Variants in BRD4 observed in about 807,000 individuals in gnomAD.
BRD4 encodes bromodomain-containing protein 4.
A neutral mutation model predicts 142.1 loss-of-function variants in BRD4; 16 were observed. That is an observed-to-expected ratio of 0.11 (90% CI 0.08 to 0.17). The LOEUF (loss-of-function observed/expected upper bound fraction) is 0.17, where lower values mean the gene tolerates loss of function less well. Ranked by LOEUF, BRD4 falls within the 10% of genes least tolerant of loss-of-function variation. BRD4 has a pLI of 1.00. For synonymous variants in BRD4, 833 were observed against 707.5 expected (o/e 1.18, Z -2.82); for missense variants, 1,424 against 1,810.9 (o/e 0.79, Z 3.88).
intron 14 of BRD4, among the ~76,000 whole-genome samples, chr19:15,242,612 C>T (rs1452908123): frequency 1.3e-5 from 2 of 152,142 alleles, no homozygotes; most frequent in Admixed American, 1.3e-4. Flanking sequence ...CCCTGGGCTC[C>T]TAGCTTCCCC....
chr19:15,238,919 G>A lies in BRD4; in HGVS notation c.3844C>T (p.Arg1282Cys), dbSNP rs750347317. 23 of 1,596,038 alleles carry A rather than the reference G, an allele frequency of 1.4e-5. No individual in the cohort carries two copies. Among genetic ancestry groups the A allele is most frequent in the Middle Eastern group, 1.7e-4 (1 of 5,918 alleles). ...CGCTGCTGCTGCTGCTGCTCCTGGC[G>A]CCGACGTGCCTCCTCATGGGCCCGC... ...ARRAHEEARR[R>C]QEQQQQQRQE... Residue 1282 changes from arginine to cysteine, a missense_variant, in exon 19 of 20, where the codon CGC becomes TGC. Arg to Cys is a radical substitution (Grantham distance 180). Coordinates refer to ENST00000679869, the MANE Select transcript of BRD4 (RefSeq NM_001379291.1). This position sits in a 1 kb window ranked among gnomAD's most constrained non-coding sequence, Gnocchi z 7.2.
At chr19:15,247,600 C>T (rs1456413730) in intron 11 of BRD4, 2 of 232,884 alleles carry the variant, frequency 8.6e-6, no homozygotes, top group African/African-American at 4.4e-5. Context: ...GCATGCAGGC[C>T]CGACACTGGT....
chr19:15,278,084 AG>A (rs1252307389), intron 1 of BRD4, among the ~76,000 whole-genome samples: 1 of 113,358 alleles, frequency 8.8e-6, no homozygotes, highest in African/African-American at 3.4e-5. Flanking sequence ...CCAGCCTGGG[AG>A]ACAGAGCAAG....
rs756325514 is a variant in BRD4 at position 15,278,852 on chromosome 19, CTTTT to C, written c.-34-5723_-34-5720del. 2.6e-5 allele frequency among the ~76,000 whole-genome samples: 4 copies of C among 151,608 alleles called. No homozygotes were observed. The East Asian group carries it at 7.8e-4, about 30-fold the overall frequency. On this transcript the variant is annotated intron_variant, in intron 1 of 19. Coordinates refer to ENST00000679869, the MANE Select transcript of BRD4 (RefSeq NM_001379291.1). ...TGATTAAGCATGCCTGTTTTCTTTT[CTTTT>C]TTGAGACGGAGTTTTGCTCTTGTTG... is the stretch of plus-strand genomic sequence containing the variant.
intron 5 of BRD4, 96 bp downstream of exon 5, chr19:15,265,258 G>A (rs1310622589): frequency 8.1e-7 from 1 of 1,229,422 alleles, no homozygotes; most frequent in Non-Finnish European, 1.1e-6. Context: ...ACCCACCAGT[G>A]CCCGGGACCC....
intron 11 of BRD4, chr19:15,247,090 A>G (rs966914803): frequency 1.5e-5 from 3 of 206,532 alleles, no homozygotes; most frequent in African/African-American, 4.6e-5. Context: ...ACAATCTTCA[A>G]CTCAACACAA....
intron 1 of BRD4, among the ~76,000 whole-genome samples, chr19:15,325,803 A>C (rs1482934204): frequency 6.6e-6 from 1 of 151,984 alleles, no homozygotes; most frequent in East Asian, 1.9e-4. Flanking sequence ...GTTCCAGACC[A>C]GCCTGACCAA....
chr19:15,332,501 AGCCGCCGCCGCCGCCGCC>A lies in BRD4; in HGVS notation c.-264_-247del, dbSNP rs778524619. On this transcript the variant is annotated 5_prime_UTR_variant, in exon 1 of 20. Coordinates refer to ENST00000679869, the MANE Select transcript of BRD4 (RefSeq NM_001379291.1). ...TGCGGGAGACCAGAACAAACAGCCC[AGCCGCCGCCGCCGCCGCC>A]GCCGCCGCCGCCAGCGCACTGACGT... 4.9e-3 allele frequency: 777 copies of A among 157,024 alleles called. 8 individuals carry two copies. Among genetic ancestry groups the A allele is most frequent in the African/African-American group, 0.018 (712 of 38,818 alleles). The allele number at this position is 157,024 out of a possible 1,614,324, so 9.7% of individuals were successfully genotyped here. A position where few individuals can be genotyped will look rare whatever the true frequency, so the allele number is the denominator to read the frequency against.
chr19:15,254,673 G>T (rs1316456339), intron 10 of BRD4, among the ~76,000 whole-genome samples: 1 of 151,904 alleles, frequency 6.6e-6, no homozygotes, highest in African/African-American at 2.4e-5. Flanking sequence ...AGAGACCCCC[G>T]GGGGTCTCTC....
In BRD4 at chr19:15,255,419, G is replaced by C; in HGVS notation, c.1925C>G (p.Pro642Arg). ...RVVHIIQSRE[P>R]SLKNSNPDEI... ...GTCGGGGTTGGAATTCTTCAGGGAG[G>C]GCTCCCGTGACTGGATGATGTGCAC... Residue 642 changes from proline to arginine, a missense_variant, in exon 10 of 20, where the codon CCC becomes CGC. Around this residue, in one of 16 missense-constraint regions of BRD4, gnomAD observed 46 missense variants for 110.4 expected, o/e 0.42. Transcript: ENST00000679869. 6.2e-7 allele frequency: 1 copy of C among 1,614,090 alleles called. No individual in the cohort carries two copies. The highest frequency in any genetic ancestry group is 8.5e-7 in the Non-Finnish European group (1 of 1,180,022).
chr19:15,331,779 G>C (rs373032657), intron 1 of BRD4: 3 of 150,522 alleles, frequency 2.0e-5, no homozygotes, highest in Non-Finnish European at 4.4e-5. Context: ...AGCCCGCCTA[G>C]AGGACCGCGG....
chr19:15,262,658 G>A (rs2047485942), intron 7 of BRD4, among the ~76,000 whole-genome samples: 2 of 151,966 alleles, frequency 1.3e-5, no homozygotes, highest in South Asian at 2.1e-4. Flanking sequence ...GGAAGGCAGA[G>A]GCTGCCGTGA....
intron 11 of BRD4, among the ~76,000 whole-genome samples, chr19:15,250,230 T>C (rs979248684): frequency 6.6e-6 from 1 of 152,312 alleles, no homozygotes; most frequent in Non-Finnish European, 1.5e-5. Flanking sequence ...ATGCTGGCTG[T>C]TTGTGGGGGG....
intron 1 of BRD4, among the ~76,000 whole-genome samples, chr19:15,321,202 C>A (rs534461371): frequency 6.7e-6 from 1 of 149,510 alleles, no homozygotes; most frequent in Non-Finnish European, 1.5e-5. Flanking sequence ...CCAGCCTGGG[C>A]GAAAGAGCGA....
At chr19:15,331,811 G>GC (rs1469302242) in intron 1 of BRD4, 1 of 148,592 alleles carries the variant, frequency 6.7e-6, no homozygotes, top group Non-Finnish European at 1.5e-5. Flanking sequence ...TGCGCTCGCG[G>GC]CCCCCGCGCC....
chr19:15,238,514 C>A lies in BRD4; in HGVS notation c.4021-69G>T. 2 of 1,609,486 alleles carry A rather than the reference C, an allele frequency of 1.2e-6. No individual in the cohort carries two copies. The highest frequency in any genetic ancestry group is 2.2e-5 in the South Asian group (2 of 90,438). ...ACCCTGCAGCTACAAGCCCTCATAC[C>A]CGCTACCAGCAGTCAGCCCCGTAGC... On this transcript the variant is annotated intron_variant, in intron 19 of 19. Coordinates refer to ENST00000679869, the MANE Select transcript of BRD4 (RefSeq NM_001379291.1). The surrounding 1 kb of genome is among the most constrained non-coding windows in gnomAD (Gnocchi z 7.2).
intron 7 of BRD4, among the ~76,000 whole-genome samples, chr19:15,260,162 A>G (rs1312069036): frequency 6.6e-6 from 1 of 152,228 alleles, no homozygotes; most frequent in Non-Finnish European, 1.5e-5. Flanking sequence ...CTGGTTTCAG[A>G]CAAGTATCTC....
intron 1 of BRD4, among the ~76,000 whole-genome samples, chr19:15,317,222 C>T (rs928088913): frequency 6.6e-6 from 1 of 152,160 alleles, no homozygotes; most frequent in Non-Finnish European, 1.5e-5. Context: ...TACTAGTGCC[C>T]AGTGTATATG....
At chr19:15,323,829 T>C (rs1413949121) in intron 1 of BRD4, among the ~76,000 whole-genome samples, 1 of 151,968 alleles carries the variant, frequency 6.6e-6, no homozygotes, top group African/African-American at 2.4e-5. Context: ...GGATAGCATT[T>C]CTCACACTTT....
Sources: allele counts gnomAD v4.1 joint callset (sites outside exome capture counted in the v4.1 genomes callset), GRCh38; gene constraint gnomAD v4.1.1; regional missense constraint gnomAD v4.1.1; non-coding constraint Gnocchi (gnomAD v3.1); transcripts MANE v1.5; gene names NCBI Gene and HGNC (gene_info 2026-07-23, HGNC 2026-07-21).